CDH12: variants seen among roughly 807,000 people sequenced by gnomAD.
CDH12 encodes cadherin 12, also known as cadherin-12.
A neutral mutation model predicts 74.1 loss-of-function variants in CDH12; 41 were observed. The observed-to-expected ratio is 0.55, with a 90% confidence interval of 0.43 to 0.72. CDH12 has a LOEUF of 0.72. CDH12 is among the 30% of genes least tolerant of loss of function. The pLI is 0.00. For synonymous variants in CDH12, 399 were observed against 355.0 expected, an observed-to-expected ratio of 1.12 and a Z score of -1.39; for missense variants, 945 against 977.2, an observed-to-expected ratio of 0.97 and a Z score of 0.44.
rs1744049864 is a variant in CDH12, at chr5:21,751,549, A to G, written c.*188T>C. 8.6e-6 allele frequency: 5 copies of G among 584,440 alleles called. No homozygotes were observed. The highest frequency in any genetic ancestry group is 2.3e-5 in the South Asian group (1 of 44,110). The allele number at this position is 584,440 out of a possible 1,614,324, so 36.2% of individuals were successfully genotyped here. Reference sequence around the variant, plus strand: ...TTGTTGGCAGAATAAACCAAAACTGACAATATGATTAATTTAGTAACTTAC... The same window carrying G: ...TTGTTGGCAGAATAAACCAAAACTGGCAATATGATTAATTTAGTAACTTAC... On this transcript the variant is annotated 3_prime_UTR_variant, in exon 15 of 15. Coordinates refer to ENST00000382254, the MANE Select transcript of CDH12 (RefSeq NM_004061.5).
At chr5:22,612,749 G>A (rs1038473411) in intron 1 of CDH12, among the ~76,000 whole-genome samples, 2 of 151,862 alleles carry the variant, frequency 1.3e-5, no homozygotes, top group Non-Finnish European at 2.9e-5. Flanking sequence ...TTCCTTTTTA[G>A]CCCTTCTCCC....
chr5:22,430,379 C>A (rs1011128594), intron 2 of CDH12, among the ~76,000 whole-genome samples: 1 of 150,960 alleles, frequency 6.6e-6, no homozygotes, highest in African/African-American at 2.5e-5. Context: ...CTACATAGTA[C>A]CCATAAAACA....
intron 1 of CDH12, among the ~76,000 whole-genome samples, chr5:22,718,396 T>G (rs999078294): frequency 1.4e-4 from 21 of 152,214 alleles, no homozygotes; most frequent in East Asian, 9.6e-4. Context: ...ACACATGTAC[T>G]GGGAATGAAA....
chr5:22,155,595 C>T (rs1330465169), intron 4 of CDH12, among the ~76,000 whole-genome samples: 4 of 151,972 alleles, frequency 2.6e-5, no homozygotes, highest in Non-Finnish European at 4.4e-5. Context: ...TTATTATGTG[C>T]AGACTTTGGG....
chr5:21,935,923 A>G (rs1258732326), intron 6 of CDH12, among the ~76,000 whole-genome samples: 1 of 151,948 alleles, frequency 6.6e-6, no homozygotes, highest in Non-Finnish European at 1.5e-5. Context: ...AATGACAGGA[A>G]CTCATTTTTT....
intron 2 of CDH12, among the ~76,000 whole-genome samples, chr5:22,433,120 T>C (rs1187024695): frequency 6.6e-6 from 1 of 152,154 alleles, no homozygotes; most frequent in Non-Finnish European, 1.5e-5. Flanking sequence ...GGAATGTCAA[T>C]TTCCTTCAGT....
chr5:22,801,636 C>CATATATAT (rs568139109), intron 1 of CDH12, among the ~76,000 whole-genome samples: 81 of 50,880 alleles, frequency 1.6e-3, no homozygotes, highest in Non-Finnish European at 2.5e-3. Flanking sequence ...CTCTGCTTAT[C>CATATATAT]ATATATATAT....
intron 2 of CDH12, among the ~76,000 whole-genome samples, chr5:22,427,814 G>T (rs1744003522): frequency 6.6e-6 from 1 of 152,102 alleles, no homozygotes; most frequent in African/African-American, 2.4e-5. Context: ...TTTTATCGAA[G>T]GTTCCCAAGC....
At chr5:22,485,189 CTT>C (rs33936632) in intron 2 of CDH12, among the ~76,000 whole-genome samples, 1 of 151,398 alleles carries the variant, frequency 6.6e-6, no homozygotes, top group South Asian at 2.1e-4. Context: ...CTTTTCTTTT[CTT>C]TTTTTTTAGA....
At position 21,849,289 on chromosome 5, in the gene CDH12, A is replaced by C. The variant is rs534163374; in HGVS notation, c.646+5382T>G. Among the ~76,000 whole-genome samples, 276 of 151,846 alleles carry C rather than the reference A, an allele frequency of 1.8e-3. 2 individuals are homozygous for C. Among genetic ancestry groups the C allele is most frequent in the Non-Finnish European group, 4.9e-4 (33 of 67,808 alleles). ...TCCGGAATATTTTCCTTTCAAGCCC[A>C]AACATCCTTAGTTATTTTTGCTGAT... On this transcript the variant is annotated intron_variant, in intron 7 of 14. Transcript: ENST00000382254.
chr5:22,285,016 C>T (rs1327781148), intron 3 of CDH12, among the ~76,000 whole-genome samples: 1 of 148,210 alleles, frequency 6.7e-6, no homozygotes, highest in Non-Finnish European at 1.5e-5. Flanking sequence ...TGAAACATCA[C>T]ATTTTTAAAG....
chr5:21,882,582 C>T (rs1752413277), intron 6 of CDH12: 3 of 1,573,892 alleles, frequency 1.9e-6, no homozygotes, highest in Non-Finnish European at 2.6e-6. Context: ...AGCCGCCCCA[C>T]AGAAATGCTT....
At chr5:22,147,793 C>T (rs908675628) in intron 4 of CDH12, among the ~76,000 whole-genome samples, 1 of 152,024 alleles carries the variant, frequency 6.6e-6, no homozygotes, top group African/African-American at 2.4e-5. Flanking sequence ...GGAAAACTGT[C>T]CCCCCATAAT....
At chr5:22,335,931 T>C (rs956614963) in intron 3 of CDH12, among the ~76,000 whole-genome samples, 2 of 152,002 alleles carry the variant, frequency 1.3e-5, no homozygotes, top group Admixed American at 6.6e-5. Context: ...CAGAAGAAGA[T>C]AGGAAAATGT....
At chr5:22,765,568 AT>A (rs1344674683) in intron 1 of CDH12, among the ~76,000 whole-genome samples, 3 of 151,966 alleles carry the variant, frequency 2.0e-5, no homozygotes, top group Admixed American at 6.6e-5. Context: ...GAATTTTCAG[AT>A]TGATTTTTTA....
chr5:21,945,282 C>T lies in CDH12; in HGVS notation c.526+29809G>A, dbSNP rs59917443. On this transcript the variant is annotated intron_variant, in intron 6 of 14. Coordinates refer to ENST00000382254, the MANE Select transcript of CDH12 (RefSeq NM_004061.5). ...TCTACTAAAAATATAAAAAGTTAGC[C>T]GGGTGCATTGGCACATGCCTGTAAT... Among the ~76,000 whole-genome samples the T allele has an allele frequency of 7.4e-3, 1,128 of 151,618 alleles. 10 individuals carry two copies. Among genetic ancestry groups the T allele is most frequent in the African/African-American group, 0.026 (1,069 of 41,356 alleles).
intron 2 of CDH12, among the ~76,000 whole-genome samples, chr5:22,443,004 C>T (rs1222234481): frequency 6.6e-6 from 1 of 152,030 alleles, no homozygotes; most frequent in Non-Finnish European, 1.5e-5. Context: ...CAGGTCTTGC[C>T]TAGGCCAACT....
chr5:22,371,620 T>TCAAATAACA (rs1741296423), intron 3 of CDH12, among the ~76,000 whole-genome samples: 2 of 152,182 alleles, frequency 1.3e-5, no homozygotes, highest in Admixed American at 1.3e-4. Flanking sequence ...ACAGGGCTTT[T>TCAAATAACA]TATTAGTATG....
intron 3 of CDH12, among the ~76,000 whole-genome samples, chr5:22,294,710 A>G (rs1469298257): frequency 6.6e-6 from 1 of 152,220 alleles, no homozygotes. Context: ...GTTACTTTTT[A>G]TATAGTGAAC....
Sources: gnomAD v4.1 joint callset for allele counts (sites outside exome capture counted in the v4.1 genomes callset) on GRCh38, gnomAD v4.1.1 for gene constraint, MANE v1.5 for transcripts, NCBI Gene and HGNC (gene_info 2026-07-23, HGNC 2026-07-21) for gene names.